Variants in L3MBTL4 observed in about 807,000 individuals in gnomAD.
L3MBTL4 encodes the protein L3MBTL histone methyl-lysine binding protein 4.
A neutral mutation model predicts 84.5 loss-of-function variants in L3MBTL4; 70 were observed. That is an observed-to-expected ratio of 0.83 (90% CI 0.68 to 1.01). L3MBTL4 has a LOEUF of 1.01. Among genes scored for constraint, L3MBTL4 ranks in the 50% least tolerant of loss-of-function variants. The pLI, the probability that L3MBTL4 is intolerant of heterozygous loss-of-function variation, is 0.00. For synonymous variants in L3MBTL4, 274 were observed against 259.8 expected, an observed-to-expected ratio of 1.05 and a Z score of -0.52; for missense variants, 715 against 754.8, an observed-to-expected ratio of 0.95 and a Z score of 0.62.
At chr18:6,170,499 A>G (rs2043915385) in intron 13 of L3MBTL4, among the ~76,000 whole-genome samples, 1 of 152,144 alleles carries the variant, frequency 6.6e-6, no homozygotes, top group Non-Finnish European at 1.5e-5. Context: ...AGCAAACGGT[A>G]GAAAGAGCAA....
At chr18:6,158,315 A>G (rs946245229) in intron 13 of L3MBTL4, among the ~76,000 whole-genome samples, 3 of 152,214 alleles carry the variant, frequency 2.0e-5, no homozygotes, top group African/African-American at 4.8e-5. Flanking sequence ...TATTCTTTAG[A>G]TAATATGGCC....
intron 1 of L3MBTL4, among the ~76,000 whole-genome samples, chr18:6,316,036 C>G (rs2051076188): frequency 6.6e-6 from 1 of 151,946 alleles, no homozygotes; most frequent in South Asian, 2.1e-4. Flanking sequence ...ACGTCACTCT[C>G]ACGGAGTCCA....
At chr18:6,209,273 C>T (rs772017905) in intron 12 of L3MBTL4, among the ~76,000 whole-genome samples, 4 of 152,136 alleles carry the variant, frequency 2.6e-5, no homozygotes, top group African/African-American at 9.7e-5. Flanking sequence ...ACTTCTATTA[C>T]TTCTGATACT....
At chr18:6,362,542 C>A (rs1408647970) in intron 1 of L3MBTL4, among the ~76,000 whole-genome samples, 1 of 152,198 alleles carries the variant, frequency 6.6e-6, no homozygotes, top group East Asian at 1.9e-4. Flanking sequence ...TATTCTACCA[C>A]ATCCCTGTGA....
chr18:6,146,293 G>A (rs2042648066), intron 13 of L3MBTL4, among the ~76,000 whole-genome samples: 1 of 152,218 alleles, frequency 6.6e-6, no homozygotes. Flanking sequence ...CATCCACACC[G>A]CTATTTACAG....
At chr18:6,334,560 C>T (rs931913118) in intron 1 of L3MBTL4, among the ~76,000 whole-genome samples, 1 of 152,140 alleles carries the variant, frequency 6.6e-6, no homozygotes, top group African/African-American at 2.4e-5. Context: ...CAAAAAGGAA[C>T]ATACATTCCT....
intron 1 of L3MBTL4, among the ~76,000 whole-genome samples, chr18:6,394,029 C>G (rs1373747546): frequency 7.1e-6 from 1 of 141,014 alleles, no homozygotes; most frequent in African/African-American, 2.7e-5. Flanking sequence ...CTCCTTCTGT[C>G]TGGAACTCTT....
chr18:6,239,878 G>C lies in L3MBTL4; in HGVS notation c.553-6C>G. ...TCTTTAGACATTGGCCCATTCTAAC[G>C]CAGCACCAGCAGGGGAAGAAGCACA... On this transcript the variant is annotated splice_polypyrimidine_tract_variant and splice_region_variant and intron_variant, in intron 8 of 18. Transcript: ENST00000317931. The C allele has an allele frequency of 6.2e-7, 1 of 1,613,920 alleles. No homozygotes were observed. Among genetic ancestry groups the C allele is most frequent in the African/African-American group, 1.3e-5 (1 of 75,028 alleles).
chr18:6,330,494 A>G (rs1286142672), intron 1 of L3MBTL4, among the ~76,000 whole-genome samples: 1 of 152,258 alleles, frequency 6.6e-6, no homozygotes. Flanking sequence ...TATGTCACCC[A>G]GACACAGATT....
chr18:6,166,516 T>C (rs1430311087), intron 13 of L3MBTL4, among the ~76,000 whole-genome samples: 44 of 147,234 alleles, frequency 3.0e-4, no homozygotes, highest in South Asian at 2.0e-3. Context: ...AACTCAGAAT[T>C]AAGAAACTCA....
chr18:6,120,497 A>T (rs1213449608), intron 14 of L3MBTL4, among the ~76,000 whole-genome samples: 2 of 152,194 alleles, frequency 1.3e-5, no homozygotes, highest in Non-Finnish European at 2.9e-5. Flanking sequence ...AAAACTTTTT[A>T]AAATTGAAGT....
chr18:6,158,802 A>G (rs2043201425), intron 13 of L3MBTL4, among the ~76,000 whole-genome samples: 1 of 152,156 alleles, frequency 6.6e-6, no homozygotes, highest in Non-Finnish European at 1.5e-5. Context: ...CATGGAGGGG[A>G]CCCAGAAGTT....
chr18:6,260,964 AT>A (rs2048373746), intron 5 of L3MBTL4: 1 of 152,234 alleles, frequency 6.6e-6, no homozygotes, highest in African/African-American at 2.4e-5. Context: ...GAAAATACAA[AT>A]TCAAGTTAGA....
intron 14 of L3MBTL4, among the ~76,000 whole-genome samples, chr18:6,106,752 C>T (rs900275440): frequency 1.3e-5 from 2 of 152,192 alleles, no homozygotes; most frequent in Non-Finnish European, 2.9e-5. Flanking sequence ...CAACATTTTA[C>T]CTTACACAGC....
At chr18:6,067,125 C>A (rs772205605) in intron 16 of L3MBTL4, among the ~76,000 whole-genome samples, 3 of 152,096 alleles carry the variant, frequency 2.0e-5, no homozygotes, top group Non-Finnish European at 4.4e-5. Flanking sequence ...AAGATAGGAC[C>A]CCAGTCCCTT....
intron 16 of L3MBTL4, among the ~76,000 whole-genome samples, chr18:6,019,315 T>C (rs1598450009): frequency 6.6e-6 from 1 of 152,326 alleles, no homozygotes; most frequent in Non-Finnish European, 1.5e-5. Flanking sequence ...TAAGTTGTGG[T>C]AAAATAAGAC....
chr18:6,297,306 A>G (rs2050146584), intron 4 of L3MBTL4, among the ~76,000 whole-genome samples: 1 of 152,224 alleles, frequency 6.6e-6, no homozygotes, highest in Admixed American at 6.5e-5. Flanking sequence ...ATGCAATGCT[A>G]AATACCAAGT....
At chr18:6,052,948 C>T (rs2056887369) in intron 16 of L3MBTL4, among the ~76,000 whole-genome samples, 1 of 152,224 alleles carries the variant, frequency 6.6e-6, no homozygotes, top group Admixed American at 6.5e-5. Context: ...ATTCACAATT[C>T]AGAGGATTCC....
intron 16 of L3MBTL4, among the ~76,000 whole-genome samples, chr18:5,983,427 C>T (rs1416681974): frequency 6.6e-6 from 1 of 152,152 alleles, no homozygotes; most frequent in African/African-American, 2.4e-5. Context: ...ACACTTGAAA[C>T]CCCAACACAA....
Sources: allele counts gnomAD v4.1 joint callset (sites outside exome capture counted in the v4.1 genomes callset), GRCh38; gene constraint gnomAD v4.1.1; transcripts MANE v1.5; gene names NCBI Gene and HGNC (gene_info 2026-07-23, HGNC 2026-07-21).